Variants in DCC observed in about 807,000 individuals in gnomAD.
DCC encodes the protein netrin receptor DCC.
In DCC, 58 loss-of-function variants were observed where a neutral mutation model predicts 172.5. The ratio of observed to expected loss-of-function variants is 0.34; its 90% CI spans 0.27 to 0.42. The LOEUF (loss-of-function observed/expected upper bound fraction) is 0.42, where lower values mean the gene tolerates loss of function less well. DCC is among the 10% of genes least tolerant of loss of function. The pLI, the probability that DCC is intolerant of heterozygous loss-of-function variation, is 1.00. For missense variants in DCC, 1,740 were observed against 1,791.0 expected (o/e 0.97, Z 0.51); for synonymous variants, 709 against 644.5 (o/e 1.10, Z -1.52).
At chr18:52,413,108 A>G (rs1294739942) in intron 1 of DCC, among the ~76,000 whole-genome samples, 1 of 149,016 alleles carries the variant, frequency 6.7e-6, no homozygotes, top group East Asian at 2.0e-4. Flanking sequence ...AGAGGCTTAT[A>G]TGTTTTTTTT....
At chr18:53,217,792 G>A (rs1383478548) in intron 12 of DCC, among the ~76,000 whole-genome samples, 5 of 152,000 alleles carry the variant, frequency 3.3e-5, no homozygotes, top group Admixed American at 6.6e-5. Flanking sequence ...AAACATTATA[G>A]TTGAATAAAT....
intron 2 of DCC, among the ~76,000 whole-genome samples, chr18:52,842,222 TCA>T (rs2038818736): frequency 6.6e-6 from 1 of 152,096 alleles, no homozygotes; most frequent in South Asian, 2.1e-4. Flanking sequence ...AAAGTAAATC[TCA>T]CATGATTATT....
At chr18:52,670,804 C>A (rs2035538398) in intron 1 of DCC, among the ~76,000 whole-genome samples, 1 of 151,870 alleles carries the variant, frequency 6.6e-6, no homozygotes, top group African/African-American at 2.4e-5. Context: ...TGCGCCACTG[C>A]ACTCCAGCCT....
intron 1 of DCC, among the ~76,000 whole-genome samples, chr18:52,694,252 G>A (rs2035976160): frequency 6.6e-6 from 1 of 152,086 alleles, no homozygotes; most frequent in South Asian, 2.1e-4. Context: ...TGGTGAAAAA[G>A]CAAGACTGAG....
At chr18:53,417,372 G>C (rs1910376132) in intron 21 of DCC, among the ~76,000 whole-genome samples, 1 of 152,108 alleles carries the variant, frequency 6.6e-6, no homozygotes, top group Non-Finnish European at 1.5e-5. Flanking sequence ...CAGGGTTAAG[G>C]TTTTCATTAA....
At chr18:52,349,560 G>C (rs1984026472) in intron 1 of DCC, among the ~76,000 whole-genome samples, 1 of 152,132 alleles carries the variant, frequency 6.6e-6, no homozygotes, top group Non-Finnish European at 1.5e-5. Flanking sequence ...TTTGGTGACT[G>C]TTTCCCTTGG....
At chr18:53,400,050 A>G (rs1909199152) in intron 18 of DCC, among the ~76,000 whole-genome samples, 1 of 152,102 alleles carries the variant, frequency 6.6e-6, no homozygotes, top group Non-Finnish European at 1.5e-5. Flanking sequence ...AATATAGTCT[A>G]TGTCTTTGAG....
chr18:52,902,269 T>C (rs2039820936), intron 2 of DCC, among the ~76,000 whole-genome samples: 1 of 152,228 alleles, frequency 6.6e-6, no homozygotes, highest in African/African-American at 2.4e-5. Flanking sequence ...CAGAACATTT[T>C]GGGAACTTCA....
chr18:53,167,402 G>C (rs1478751004), intron 8 of DCC, among the ~76,000 whole-genome samples: 1 of 152,138 alleles, frequency 6.6e-6, no homozygotes, highest in Non-Finnish European at 1.5e-5. Flanking sequence ...TATTAGAGTA[G>C]TGAGGTTTCT....
intron 5 of DCC, among the ~76,000 whole-genome samples, chr18:52,940,180 A>G (rs902882359): frequency 2.6e-5 from 4 of 152,210 alleles, no homozygotes; most frequent in Non-Finnish European, 5.9e-5. Context: ...GAGTAAGGCA[A>G]GACATTTATA....
At chr18:52,432,724 T>G (rs1316056461) in intron 1 of DCC, among the ~76,000 whole-genome samples, 1 of 152,152 alleles carries the variant, frequency 6.6e-6, no homozygotes, top group Non-Finnish European at 1.5e-5. Flanking sequence ...TTATGGACAT[T>G]GCGATTAAAT....
intron 1 of DCC, among the ~76,000 whole-genome samples, chr18:52,530,208 C>G (rs1296912577): frequency 2.6e-5 from 4 of 152,178 alleles, no homozygotes; most frequent in African/African-American, 9.7e-5. Flanking sequence ...CAAGAATAAT[C>G]TCTCTTCAAG....
chr18:53,312,417 G>T (rs945676746), intron 13 of DCC, among the ~76,000 whole-genome samples: 7 of 148,022 alleles, frequency 4.7e-5, no homozygotes, highest in African/African-American at 1.7e-4. Flanking sequence ...ACTAACTCTA[G>T]AACATATTAA....
chr18:53,480,633 G>A (rs2045820551), intron 25 of DCC, among the ~76,000 whole-genome samples: 1 of 151,892 alleles, frequency 6.6e-6, no homozygotes, highest in Non-Finnish European at 1.5e-5. Context: ...TAATTACAAT[G>A]CCCAACATTT....
At chr18:53,269,799 C>G (rs1365893165) in intron 12 of DCC, among the ~76,000 whole-genome samples, 3 of 152,068 alleles carry the variant, frequency 2.0e-5, no homozygotes, top group Non-Finnish European at 4.4e-5. Flanking sequence ...TCTGGTTGCT[C>G]TAGAGTCAGT....
intron 1 of DCC, among the ~76,000 whole-genome samples, chr18:52,440,167 G>A (rs529688964): frequency 8.0e-4 from 121 of 152,176 alleles, no homozygotes; most frequent in African/African-American, 2.6e-3. Context: ...AATTTGAAGC[G>A]CATACCCCTT....
At chr18:52,877,177 C>G (rs920966154) in intron 2 of DCC, among the ~76,000 whole-genome samples, 1 of 152,126 alleles carries the variant, frequency 6.6e-6, no homozygotes, top group South Asian at 2.1e-4. Flanking sequence ...GGTCCAGATA[C>G]TTGTATGTTG....
At chr18:52,412,187 T>G (rs1386644632) in intron 1 of DCC, among the ~76,000 whole-genome samples, 1 of 152,142 alleles carries the variant, frequency 6.6e-6, no homozygotes, top group Non-Finnish European at 1.5e-5. Flanking sequence ...TTTTTACACA[T>G]ATGTGAGTGT....
intron 5 of DCC, among the ~76,000 whole-genome samples, chr18:52,948,377 C>G (rs186973732): frequency 6.6e-6 from 1 of 151,964 alleles, no homozygotes; most frequent in Non-Finnish European, 1.5e-5. Flanking sequence ...ACAAGAGCTT[C>G]TATCATTATG....
Sources: gnomAD v4.1 joint callset for allele counts (sites outside exome capture counted in the v4.1 genomes callset) on GRCh38, gnomAD v4.1.1 for gene constraint, MANE v1.5 for transcripts, NCBI Gene and HGNC (gene_info 2026-07-23, HGNC 2026-07-21) for gene names.